Variants in TCF4 observed in about 807,000 individuals in gnomAD.
The protein encoded by TCF4 is SL3-3 enhancer factor 2.
TCF4 carries 3 observed loss-of-function variants against 82.1 expected under a neutral mutation model. That is an observed-to-expected ratio of 0.04 (90% CI 0.02 to 0.09). The LOEUF (loss-of-function observed/expected upper bound fraction) is 0.09, where lower values mean the gene tolerates loss of function less well. Among genes scored for constraint, TCF4 ranks in the 10% least tolerant of loss-of-function variants. The pLI is 1.00. For missense variants in TCF4, 518 were observed against 852.7 expected (o/e 0.61, Z 4.89); for synonymous variants, 276 against 309.6 (o/e 0.89, Z 1.14).
chr18:55,249,580 T>C (rs982271860), intron 15 of TCF4, among the ~76,000 whole-genome samples: 2 of 152,224 alleles, frequency 1.3e-5, no homozygotes, highest in African/African-American at 2.4e-5. Flanking sequence ...TTAGAGGGCA[T>C]AGCAGACTGG....
intron 6 of TCF4, chr18:55,351,825 T>C (rs2082382969): frequency 2.2e-6 from 2 of 918,504 alleles, no homozygotes; most frequent in Non-Finnish European, 2.6e-6. Flanking sequence ...GATTATACTC[T>C]GCATTGAACA....
intron 3 of TCF4, among the ~76,000 whole-genome samples, chr18:55,554,101 T>C (rs1020751890): frequency 1.3e-5 from 2 of 152,110 alleles, no homozygotes; most frequent in Admixed American, 1.3e-4. Flanking sequence ...ATTTAATGAC[T>C]AAAAGAAATC....
chr18:55,587,683 A>G (rs973951806), intron 1 of TCF4, among the ~76,000 whole-genome samples: 1 of 151,820 alleles, frequency 6.6e-6, no homozygotes, highest in African/African-American at 2.4e-5. Context: ...TCTGGAGTGA[A>G]AACACGTCCA....
intron 8 of TCF4, among the ~76,000 whole-genome samples, chr18:55,286,120 T>C (rs2063615926): frequency 6.6e-6 from 1 of 152,202 alleles, no homozygotes; most frequent in East Asian, 1.9e-4. Context: ...GCCTCTAGTG[T>C]TTTTGACAAA....
At chr18:55,446,553 C>T (rs1023462326) in intron 5 of TCF4, among the ~76,000 whole-genome samples, 3 of 152,146 alleles carry the variant, frequency 2.0e-5, no homozygotes, top group Non-Finnish European at 4.4e-5. Context: ...GGGCAAATAA[C>T]CTAATCTCTC....
chr18:55,288,212 C>T (rs1389099134), intron 8 of TCF4, among the ~76,000 whole-genome samples: 3 of 152,160 alleles, frequency 2.0e-5, no homozygotes, highest in Non-Finnish European at 2.9e-5. Flanking sequence ...TGAATTCCCG[C>T]AGCCATCCCA....
intron 15 of TCF4, among the ~76,000 whole-genome samples, chr18:55,241,176 A>C (rs1288692979): frequency 4.6e-5 from 7 of 152,228 alleles, no homozygotes; most frequent in Non-Finnish European, 1.0e-4. Flanking sequence ...CAAGAAATGC[A>C]AACGGATGTG....
At chr18:55,394,734 A>T (rs2093387451) in intron 6 of TCF4, among the ~76,000 whole-genome samples, 2 of 152,196 alleles carry the variant, frequency 1.3e-5, no homozygotes, top group Non-Finnish European at 2.9e-5. Context: ...CTCCCTATGA[A>T]ACTACTTCTA....
chr18:55,408,672 C>T (rs141734240), intron 5 of TCF4, among the ~76,000 whole-genome samples: 1 of 152,212 alleles, frequency 6.6e-6, no homozygotes, highest in African/African-American at 2.4e-5. Flanking sequence ...AATAGAAACA[C>T]CATTTTGCAG....
chr18:55,346,284 C>T (rs550028582), intron 8 of TCF4, among the ~76,000 whole-genome samples: 2 of 152,132 alleles, frequency 1.3e-5, no homozygotes, highest in South Asian at 4.1e-4. Flanking sequence ...TTTTATTTTT[C>T]AAACCTACCT....
At chr18:55,447,571 T>A (rs2095548317) in intron 5 of TCF4, among the ~76,000 whole-genome samples, 2 of 152,260 alleles carry the variant, frequency 1.3e-5, no homozygotes, top group East Asian at 1.9e-4. Context: ...CAAAGACTCA[T>A]TTGAGTATTG....
At chr18:55,596,723 A>G (rs999185001) in intron 2 of TCF4, among the ~76,000 whole-genome samples, 1 of 152,226 alleles carries the variant, frequency 6.6e-6, no homozygotes, top group Non-Finnish European at 1.5e-5. Context: ...GTGAAATGGC[A>G]TAACGGAAAA....
chr18:55,491,623 T>C (rs2096577907), intron 3 of TCF4, among the ~76,000 whole-genome samples: 3 of 152,304 alleles, frequency 2.0e-5, no homozygotes, highest in South Asian at 4.1e-4. Flanking sequence ...TCAAGTGTTA[T>C]GTTTTCACAT....
intron 5 of TCF4, among the ~76,000 whole-genome samples, chr18:55,456,561 C>A (rs1041056664): frequency 6.6e-6 from 1 of 152,162 alleles, no homozygotes; most frequent in African/African-American, 2.4e-5. Context: ...TCAATCGATG[C>A]TCTGGAATAA....
intron 8 of TCF4, among the ~76,000 whole-genome samples, chr18:55,287,401 TA>T (rs1409474878): frequency 1.3e-5 from 2 of 152,228 alleles, no homozygotes; most frequent in African/African-American, 2.4e-5. Flanking sequence ...CTAAATCCTG[TA>T]AATAATTTCA....
intron 2 of TCF4, among the ~76,000 whole-genome samples, chr18:55,621,744 TTTATAA>T (rs1350759947): frequency 2.8e-3 from 253 of 90,796 alleles, no homozygotes; most frequent in African/African-American, 0.011. Context: ...TACAATTGTA[TTTATAA>T]TTATAATTAT....
chr18:55,588,012 C>G (rs945343023), intron 1 of TCF4, 26 bp downstream of exon 1: 2 of 980,870 alleles, frequency 2.0e-6, no homozygotes, highest in Non-Finnish European at 2.4e-6. Flanking sequence ...TCCGCCCCGC[C>G]GAGCCCCGCA....
At chr18:55,293,131 C>G (rs1209034412) in intron 8 of TCF4, among the ~76,000 whole-genome samples, 1 of 151,962 alleles carries the variant, frequency 6.6e-6, no homozygotes, top group Non-Finnish European at 1.5e-5. Flanking sequence ...ATGTGACTTT[C>G]ACCTCAATTA....
intron 2 of TCF4, among the ~76,000 whole-genome samples, chr18:55,599,200 T>C (rs979970085): frequency 6.6e-6 from 1 of 152,200 alleles, no homozygotes; most frequent in Non-Finnish European, 1.5e-5. Context: ...CTCAAGATTT[T>C]CCAAGCTTTC....
Sources: allele counts gnomAD v4.1 joint callset (sites outside exome capture counted in the v4.1 genomes callset), GRCh38; gene constraint gnomAD v4.1.1; transcripts MANE v1.5; gene names NCBI Gene and HGNC (gene_info 2026-07-23, HGNC 2026-07-21).